AK5: variants seen among roughly 807,000 people sequenced by gnomAD.
AK5 encodes the protein adenylate kinase 5, also known as adenylate kinase isoenzyme 5.
AK5 carries 27 observed loss-of-function variants against 69.5 expected under a neutral mutation model. The ratio of observed to expected loss-of-function variants is 0.39; its 90% confidence interval spans 0.29 to 0.54. The LOEUF is 0.54. Ranked by LOEUF, AK5 falls within the 20% of genes least tolerant of loss-of-function variation. The probability of loss-of-function intolerance (pLI) is 0.71; values close to 1 mark genes in which losing one functional copy is unlikely to be tolerated. For missense variants in AK5, 531 were observed against 700.4 expected, an observed-to-expected ratio of 0.76 and a Z score of 2.73; for synonymous variants, 260 against 244.4, an observed-to-expected ratio of 1.06 and a Z score of -0.60.
intron 10 of AK5, among the ~76,000 whole-genome samples, chr1:77,506,205 A>G (rs1001297223): frequency 2.3e-4 from 32 of 139,626 alleles, no homozygotes; most frequent in African/African-American, 8.0e-4. Flanking sequence ...TGAAGAAACA[A>G]AGGATCGGTG....
chr1:77,282,895 C>G (rs1658139700), intron 1 of AK5: 2 of 986,098 alleles, frequency 2.0e-6, no homozygotes, highest in Non-Finnish European at 2.4e-6. Context: ...AAGCAAAACC[C>G]AACCTATCAA....
chr1:77,337,875 T>C, intron 5 of AK5, among the ~76,000 whole-genome samples: 1 of 152,210 alleles, frequency 6.6e-6, no homozygotes, highest in Non-Finnish European at 1.5e-5. Context: ...CTACAATCCA[T>C]GCTCCTAATC....
At chr1:77,296,170 AATGTGAGAGTGAGGTATAG>A (rs1658990498) in intron 3 of AK5, among the ~76,000 whole-genome samples, 1 of 152,158 alleles carries the variant, frequency 6.6e-6, no homozygotes, top group Non-Finnish European at 1.5e-5. Flanking sequence ...CCAACCTAAA[AATGTGAGAGTGAGGTATAG>A]ATGCCCACAT....
intron 2 of AK5, among the ~76,000 whole-genome samples, chr1:77,289,843 A>G (rs1658579996): frequency 1.5e-5 from 2 of 135,766 alleles, no homozygotes. Flanking sequence ...AGCCTGGGCG[A>G]CACAGAGAGA....
chr1:77,518,168 T>C (rs1281685591), intron 10 of AK5, among the ~76,000 whole-genome samples: 3 of 152,158 alleles, frequency 2.0e-5, no homozygotes, highest in African/African-American at 7.2e-5. Flanking sequence ...TGCACATGAG[T>C]GGGTTCGGTT....
At chr1:77,283,904 A>G (rs1658205776) in intron 1 of AK5, among the ~76,000 whole-genome samples, 1 of 152,222 alleles carries the variant, frequency 6.6e-6, no homozygotes, top group Non-Finnish European at 1.5e-5. Flanking sequence ...AAATTCCTAC[A>G]TAGTACATCT....
chr1:77,377,899 C>A (rs1647352574), intron 6 of AK5, among the ~76,000 whole-genome samples: 1 of 152,150 alleles, frequency 6.6e-6, no homozygotes, highest in Admixed American at 6.5e-5. Flanking sequence ...CTCTTTAAGC[C>A]TTAACTTGAA....
intron 1 of AK5, chr1:77,283,245 T>A (rs1317484526): frequency 1.9e-5 from 19 of 985,472 alleles, no homozygotes; most frequent in Non-Finnish European, 2.3e-5. Flanking sequence ...CTCTTTGTAT[T>A]TGAATTTAAA....
chr1:77,535,187 C>T (rs1658890882), intron 12 of AK5, among the ~76,000 whole-genome samples: 1 of 152,194 alleles, frequency 6.6e-6, no homozygotes, highest in Non-Finnish European at 1.5e-5. Context: ...GTGACCTAGA[C>T]TCTAAAAGCA....
chr1:77,556,586 C>T (rs188584226), intron 13 of AK5, among the ~76,000 whole-genome samples: 9 of 152,222 alleles, frequency 5.9e-5, no homozygotes, highest in Admixed American at 1.3e-4. Flanking sequence ...ACAGTGCTTC[C>T]GTTAATATTG....
rs561495352 is a variant in AK5 at position 77,347,925 on chromosome 1, C to T, written c.891+7357C>T. On this transcript the variant is annotated intron_variant, in intron 6 of 13. Coordinates refer to ENST00000354567, the MANE Select transcript of AK5 (RefSeq NM_174858.3). ...CGTAGACAGAAAGCAAACCAAATGA[C>T]TCAGCAAATGCATCTCTCTCGAGGT... Among the ~76,000 whole-genome samples the T allele has an allele frequency of 7.9e-5, 12 of 152,278 alleles. No individual in the cohort carries two copies. In the South Asian group the frequency reaches 2.5e-3, roughly 32 times the overall value.
At chr1:77,363,765 G>T (rs1282497043) in intron 6 of AK5, among the ~76,000 whole-genome samples, 6 of 152,010 alleles carry the variant, frequency 3.9e-5, no homozygotes, top group Non-Finnish European at 8.8e-5. Context: ...CTCTCTTCAA[G>T]TCTTTGTTCA....
intron 11 of AK5, among the ~76,000 whole-genome samples, chr1:77,521,543 A>T (rs1657983041): frequency 6.6e-6 from 1 of 152,220 alleles, no homozygotes; most frequent in African/African-American, 2.4e-5. Context: ...CTAATCTAAG[A>T]TGCCAATATT....
At chr1:77,548,898 C>CT (rs34026852) in intron 13 of AK5, among the ~76,000 whole-genome samples, 2,991 of 87,908 alleles carry the variant, frequency 0.034, 154 homozygotes, top group African/African-American at 0.069. Context: ...TTGCTTTTAG[C>CT]TTTTTTTTTT....
intron 12 of AK5, among the ~76,000 whole-genome samples, chr1:77,529,664 G>T (rs1658474408): frequency 6.6e-6 from 1 of 152,032 alleles, no homozygotes; most frequent in Non-Finnish European, 1.5e-5. Context: ...CTGACTCCCT[G>T]GTGTGAAATT....
At chr1:77,474,295 A>G (rs1193823894) in intron 8 of AK5, among the ~76,000 whole-genome samples, 1 of 152,166 alleles carries the variant, frequency 6.6e-6, no homozygotes, top group Non-Finnish European at 1.5e-5. Flanking sequence ...TCTAATGGGA[A>G]GAAGACTTCT....
At chr1:77,376,094 T>C (rs1647225459) in intron 6 of AK5, among the ~76,000 whole-genome samples, 2 of 152,222 alleles carry the variant, frequency 1.3e-5, no homozygotes, top group Non-Finnish European at 1.5e-5. Flanking sequence ...GTAAAATTTA[T>C]ACTGCAGTGT....
intron 8 of AK5, among the ~76,000 whole-genome samples, chr1:77,476,907 T>TAA (rs1553155235): frequency 5.4e-5 from 8 of 147,976 alleles, no homozygotes; most frequent in African/African-American, 5.0e-5. Flanking sequence ...GCTGTTTTTT[T>TAA]AAAAAAAAAA....
intron 9 of AK5, among the ~76,000 whole-genome samples, chr1:77,485,398 C>T (rs4949803): frequency 0.16 from 24,819 of 152,056 alleles, 2,228 homozygotes; most frequent in Admixed American, 0.21. Flanking sequence ...AATGTGGTAT[C>T]GTGCATATAA....
Sources: allele counts gnomAD v4.1 joint callset (sites outside exome capture counted in the v4.1 genomes callset), GRCh38; gene constraint gnomAD v4.1.1; transcripts MANE v1.5; gene names NCBI Gene and HGNC (gene_info 2026-07-23, HGNC 2026-07-21).